CADPS2: variants seen among roughly 807,000 people sequenced by gnomAD.
The protein encoded by CADPS2 is calcium dependent secretion activator 2.
Under a neutral mutation model 172.5 loss-of-function variants are expected in CADPS2, and 93 were observed. The ratio of observed to expected loss-of-function variants is 0.54; its 90% CI spans 0.46 to 0.64. CADPS2 has a LOEUF of 0.64. CADPS2 is among the 30% of genes least tolerant of loss of function. The pLI, the probability that CADPS2 is intolerant of heterozygous loss-of-function variation, is 0.00. For missense variants in CADPS2, 1,420 were observed against 1,565.9 expected, an observed-to-expected ratio of 0.91 and a Z score of 1.57; for synonymous variants, 546 against 555.2, an observed-to-expected ratio of 0.98 and a Z score of 0.23.
At chr7:122,552,775 G>GTTTTTT (rs61517518) in intron 8 of CADPS2, among the ~76,000 whole-genome samples, 2 of 137,094 alleles carry the variant, frequency 1.5e-5, no homozygotes, top group Non-Finnish European at 1.6e-5. Flanking sequence ...ATAGGTTCCT[G>GTTTTTT]TTTTTTTTTT....
intron 1 of CADPS2, among the ~76,000 whole-genome samples, chr7:122,784,425 T>C (rs2139485819): frequency 6.6e-6 from 1 of 152,362 alleles, no homozygotes. Flanking sequence ...ACTGTGCTTA[T>C]TTCCTCTTCA....
At chr7:122,616,495 T>C (rs2074941819) in intron 5 of CADPS2, among the ~76,000 whole-genome samples, 1 of 152,120 alleles carries the variant, frequency 6.6e-6, no homozygotes, top group Admixed American at 6.5e-5. Flanking sequence ...TGTTAAATTT[T>C]GTTTTCATAA....
intron 3 of CADPS2, among the ~76,000 whole-genome samples, chr7:122,639,576 G>A (rs1461968465): frequency 6.6e-6 from 1 of 152,056 alleles, no homozygotes; most frequent in African/African-American, 2.4e-5. Flanking sequence ...ATAGGTCCAT[G>A]AATAACCACC....
At chr7:122,507,561 T>C (rs2059699190) in intron 9 of CADPS2, among the ~76,000 whole-genome samples, 1 of 152,120 alleles carries the variant, frequency 6.6e-6, no homozygotes, top group African/African-American at 2.4e-5. Context: ...AAGAGGAAGC[T>C]TGAGGCCAGA....
chr7:122,709,797 T>C (rs1184106227), intron 2 of CADPS2, among the ~76,000 whole-genome samples: 2 of 151,852 alleles, frequency 1.3e-5, no homozygotes, highest in African/African-American at 2.4e-5. Flanking sequence ...CTCAGTAAAC[T>C]ATCGCAAGGA....
At chr7:122,448,308 CTCA>C (rs2052572707) in intron 15 of CADPS2, among the ~76,000 whole-genome samples, 1 of 152,074 alleles carries the variant, frequency 6.6e-6, no homozygotes, top group Admixed American at 6.6e-5. Context: ...ATGAGACTCG[CTCA>C]TCATCATGAG....
At chr7:122,395,472 C>T (rs1415482735) in intron 20 of CADPS2, 1 of 152,096 alleles carries the variant, frequency 6.6e-6, no homozygotes, top group African/African-American at 2.4e-5. Context: ...TTCATTAGCA[C>T]ACTGAAAGAA....
intron 3 of CADPS2, among the ~76,000 whole-genome samples, chr7:122,642,421 G>A (rs889562234): frequency 3.3e-5 from 5 of 152,036 alleles, no homozygotes; most frequent in Admixed American, 1.3e-4. Context: ...GAAGGTCTTC[G>A]AGATCAGCAA....
intron 17 of CADPS2, among the ~76,000 whole-genome samples, chr7:122,423,545 G>A (rs993120524): frequency 2.3e-4 from 35 of 152,094 alleles, no homozygotes; most frequent in South Asian, 1.2e-3. Flanking sequence ...CTGTGACATC[G>A]CTAAGATGTG....
At chr7:122,747,667 T>G (rs1048005207) in intron 1 of CADPS2, among the ~76,000 whole-genome samples, 2 of 152,114 alleles carry the variant, frequency 1.3e-5, no homozygotes, top group African/African-American at 4.8e-5. Context: ...AGTTACCCAG[T>G]TCACAAAATT....
In CADPS2 at chr7:122,632,449, C is replaced by T. The variant is rs117481878; in HGVS notation, c.787-3121G>A. On this transcript the variant is annotated intron_variant, in intron 3 of 29. Coordinates refer to ENST00000449022, the MANE Select transcript of CADPS2 (RefSeq NM_017954.11). ...CTCATTGTGGCTTTGATTTGCATTT[C>T]TCTGATGATTAGTGATGTTGAGCAT... Among the ~76,000 whole-genome samples, 12 of 152,222 alleles carry T rather than the reference C, an allele frequency of 7.9e-5. No homozygotes were observed. The East Asian group carries it at 2.3e-3, about 29-fold the overall frequency.
At chr7:122,864,818 A>G (rs1817871065) in intron 1 of CADPS2, among the ~76,000 whole-genome samples, 1 of 152,142 alleles carries the variant, frequency 6.6e-6, no homozygotes, top group Non-Finnish European at 1.5e-5. Flanking sequence ...AGCAACATCA[A>G]TTTGGCCAAA....
At chr7:122,353,575 GATA>G (rs1190357615) in intron 27 of CADPS2, among the ~76,000 whole-genome samples, 1 of 152,140 alleles carries the variant, frequency 6.6e-6, no homozygotes, top group Non-Finnish European at 1.5e-5. Flanking sequence ...CAGCGTGTGT[GATA>G]ATGTTAATAA....
At chr7:122,507,271 G>C (rs1055587155) in intron 9 of CADPS2, among the ~76,000 whole-genome samples, 1 of 152,010 alleles carries the variant, frequency 6.6e-6, no homozygotes, top group African/African-American at 2.4e-5. Context: ...GCCATGCATG[G>C]GGAAAATAAA....
chr7:122,726,019 T>C (rs1235885610), intron 2 of CADPS2, among the ~76,000 whole-genome samples: 2 of 151,784 alleles, frequency 1.3e-5, no homozygotes, highest in African/African-American at 4.8e-5. Context: ...TTTTTTCAAA[T>C]AGTGTTTATT....
chr7:122,340,928 T>C (rs2036684165), intron 28 of CADPS2, among the ~76,000 whole-genome samples: 1 of 151,990 alleles, frequency 6.6e-6, no homozygotes, highest in Non-Finnish European at 1.5e-5. Context: ...TTTTGGTATA[T>C]TCATGATCTT....
At chr7:122,419,975 T>G (rs893569610) in intron 17 of CADPS2, among the ~76,000 whole-genome samples, 3 of 152,146 alleles carry the variant, frequency 2.0e-5, no homozygotes, top group African/African-American at 7.2e-5. Flanking sequence ...TCCTGCATAC[T>G]CTTCTGAATC....
Position 122,319,261 on chromosome 7 carries a change from AAAC to A in CADPS2, c.*901_*903del, listed in dbSNP as rs2031882005. 1.3e-5 allele frequency: 2 copies of A among 152,252 alleles called. 1 individual carries two copies. The highest frequency in any genetic ancestry group is 4.1e-4 in the South Asian group (2 of 4,832). 9.4% of individuals were successfully genotyped at this position (152,252 alleles called of 1,614,324 possible). On this transcript the variant is annotated 3_prime_UTR_variant, in exon 30 of 30. Transcript: ENST00000449022. ...TACTATCTTTTACTCATTTGATTAA[AAAC>A]AAAATATTACAAACAAAACAAACAA...
Position 122,767,589 on chromosome 7 carries a change from G to A in CADPS2, c.340-30521C>T, listed in dbSNP as rs1211350148. 2.6e-5 allele frequency among the ~76,000 whole-genome samples: 4 copies of A among 152,050 alleles called. No homozygotes were observed. In the East Asian group the frequency reaches 7.8e-4, roughly 29 times the overall value. ...AACGCATACAGTTAGACCAACAAAG[G>A]CCCTAATTCTGCTCAGCTGGCACAC... is the stretch of plus-strand genomic sequence containing the variant. On this transcript the variant is annotated intron_variant, in intron 1 of 29. Transcript: ENST00000449022.
Sources: allele counts gnomAD v4.1 joint callset (sites outside exome capture counted in the v4.1 genomes callset), GRCh38; gene constraint gnomAD v4.1.1; transcripts MANE v1.5; gene names NCBI Gene and HGNC (gene_info 2026-07-23, HGNC 2026-07-21).